IDE: variants seen among roughly 807,000 people sequenced by gnomAD.
IDE encodes the protein insulin degrading enzyme.
Under a neutral mutation model 133.2 loss-of-function variants are expected in IDE, and 58 were observed. That is an observed-to-expected ratio of 0.44 (90% CI 0.35 to 0.54). The LOEUF (loss-of-function observed/expected upper bound fraction) is 0.54. Ranked by LOEUF, IDE falls within the 20% of genes least tolerant of loss-of-function variation. The pLI is 0.00. For synonymous variants in IDE, 396 were observed against 421.3 expected (o/e 0.94, Z 0.73); for missense variants, 981 against 1,234.0 (o/e 0.79, Z 3.07).
chr10:92,459,923 G>A (rs1296638778), intron 22 of IDE, among the ~76,000 whole-genome samples: 3 of 147,322 alleles, frequency 2.0e-5, no homozygotes, highest in Non-Finnish European at 4.4e-5. Context: ...TCCGCCTCCC[G>A]GGTTCAAGTG....
chr10:92,531,543 G>A (rs1201394294), intron 4 of IDE, among the ~76,000 whole-genome samples: 3 of 152,082 alleles, frequency 2.0e-5, no homozygotes, highest in Non-Finnish European at 2.9e-5. Flanking sequence ...CTCCTTAAAC[G>A]TTTAGAACCC....
At chr10:92,558,989 A>C (rs1192291118) in intron 1 of IDE, 1 of 152,162 alleles carries the variant, frequency 6.6e-6, no homozygotes, top group African/African-American at 2.4e-5. Flanking sequence ...CATTTCTCTA[A>C]AGAAGATATA....
At chr10:92,512,677 G>A (rs1848692568) in intron 5 of IDE, among the ~76,000 whole-genome samples, 1 of 151,842 alleles carries the variant, frequency 6.6e-6, no homozygotes, top group South Asian at 2.1e-4. Flanking sequence ...GCATTACAGA[G>A]TATGCTTTTT....
At chr10:92,539,545 C>G (rs550383227) in intron 1 of IDE, among the ~76,000 whole-genome samples, 9 of 152,100 alleles carry the variant, frequency 5.9e-5, no homozygotes, top group African/African-American at 1.7e-4. Flanking sequence ...ACGGGCGGAT[C>G]ACAAGGTCAG....
intron 1 of IDE, among the ~76,000 whole-genome samples, chr10:92,543,017 C>T (rs1589513317): frequency 6.6e-6 from 1 of 152,204 alleles, no homozygotes; most frequent in African/African-American, 2.4e-5. Flanking sequence ...GGAAATTTTA[C>T]TTTGCTTTTT....
intron 1 of IDE, among the ~76,000 whole-genome samples, chr10:92,552,631 A>T (rs1842835523): frequency 6.6e-6 from 1 of 151,438 alleles, no homozygotes; most frequent in African/African-American, 2.4e-5. Flanking sequence ...GGCTGAGGCG[A>T]GCAGATCACC....
At chr10:92,463,583 G>A (rs1845509153) in intron 21 of IDE, 148 bp downstream of exon 21, 1 of 711,834 alleles carries the variant, frequency 1.4e-6, no homozygotes, top group Admixed American at 2.5e-5. Context: ...TTAAGTAACA[G>A]TTCTTTGGAA....
chr10:92,493,924 T>A (rs1329196567), intron 11 of IDE, among the ~76,000 whole-genome samples: 2 of 151,714 alleles, frequency 1.3e-5, no homozygotes, highest in East Asian at 3.9e-4. Flanking sequence ...TGAACCAGAG[T>A]GTGAAAGTAC....
At chr10:92,569,378 G>A (rs1843687708) in intron 1 of IDE, among the ~76,000 whole-genome samples, 1 of 152,228 alleles carries the variant, frequency 6.6e-6, no homozygotes, top group Non-Finnish European at 1.5e-5. Context: ...TTAATCTGAT[G>A]TGATGATAAG....
At chr10:92,555,433 G>A (rs1168210225) in intron 1 of IDE, among the ~76,000 whole-genome samples, 4 of 150,292 alleles carry the variant, frequency 2.7e-5, no homozygotes, top group Admixed American at 6.7e-5. Flanking sequence ...GGAGGCGGAG[G>A]TTGCGGTGAG....
intron 17 of IDE, 58 bp from the exon 18 acceptor site, chr10:92,470,403 A>T: frequency 8.8e-7 from 1 of 1,133,544 alleles, no homozygotes; most frequent in South Asian, 1.5e-5. Context: ...TTTGTTTGAG[A>T]TAATTTGAGA....
chr10:92,573,608 C>A (rs1319868022), intron 1 of IDE, among the ~76,000 whole-genome samples: 1 of 152,226 alleles, frequency 6.6e-6, no homozygotes, highest in African/African-American at 2.4e-5. Context: ...AGGTGCAGGC[C>A]GGGTGACTCT....
intron 1 of IDE, chr10:92,558,984 C>T (rs951300416): frequency 6.0e-5 from 9 of 150,326 alleles, no homozygotes; most frequent in Admixed American, 1.3e-4. Context: ...GTAGACATTT[C>T]TCTAAAGAAG....
At chr10:92,520,180 GT>G (rs1849146257) in intron 4 of IDE, among the ~76,000 whole-genome samples, 1 of 152,160 alleles carries the variant, frequency 6.6e-6, no homozygotes, top group African/African-American at 2.4e-5. Flanking sequence ...TTAACATGGG[GT>G]TTTGTGAAGC....
chr10:92,483,137 G>T, intron 14 of IDE, 118 bp downstream of exon 14: 1 of 602,326 alleles, frequency 1.7e-6, no homozygotes, highest in Non-Finnish European at 2.9e-6. Flanking sequence ...CCTTTTCTAG[G>T]TGAAATAACT....
At chr10:92,475,017 A>G (rs1188215286) in intron 16 of IDE, 56 bp from the exon 17 acceptor site, 3 of 1,392,840 alleles carry the variant, frequency 2.2e-6, no homozygotes, top group Admixed American at 2.0e-5. Flanking sequence ...AATCATTTCA[A>G]AAGTCCAGTT....
At chr10:92,535,142 C>CCA (rs1228954333) in intron 2 of IDE, among the ~76,000 whole-genome samples, 1 of 152,078 alleles carries the variant, frequency 6.6e-6, no homozygotes, top group Non-Finnish European at 1.5e-5. Flanking sequence ...CTTGCTCTGT[C>CCA]GCCCAGGCTG....
chr10:92,572,414 G>C (rs1168781090), intron 1 of IDE, among the ~76,000 whole-genome samples: 1 of 152,166 alleles, frequency 6.6e-6, no homozygotes, highest in Non-Finnish European at 1.5e-5. Context: ...AAGTTCCATA[G>C]AGTCTTCATT....
chr10:92,514,826 A>T, intron 5 of IDE, 94 bp downstream of exon 5: 1 of 914,102 alleles, frequency 1.1e-6, no homozygotes, highest in South Asian at 2.3e-5. Context: ...GCAAATAAGC[A>T]GCTCTATCTT....
Sources: gnomAD v4.1 joint callset for allele counts (sites outside exome capture counted in the v4.1 genomes callset) on GRCh38, gnomAD v4.1.1 for gene constraint, MANE v1.5 for transcripts, NCBI Gene and HGNC (gene_info 2026-07-23, HGNC 2026-07-21) for gene names.